Variants in RSF1 observed in about 807,000 individuals in gnomAD.
RSF1 encodes the protein remodeling and spacing factor 1, also known as HBV pX-associated protein 8.
RSF1 carries 13 observed loss-of-function variants against 145.2 expected under a neutral mutation model. The observed-to-expected ratio is 0.09, with a 90% CI of 0.06 to 0.14. The LOEUF is 0.14. Among genes scored for constraint, RSF1 ranks in the 10% least tolerant of loss-of-function variants. The pLI, the probability that RSF1 is intolerant of heterozygous loss-of-function variation, is 1.00. For missense variants in RSF1, 1,517 were observed against 1,718.2 expected (o/e 0.88, Z 2.07); for synonymous variants, 577 against 592.6 (o/e 0.97, Z 0.38).
intron 2 of RSF1, among the ~76,000 whole-genome samples, chr11:77,757,072 T>A (rs1036376790): frequency 6.6e-6 from 1 of 152,194 alleles, no homozygotes; most frequent in Non-Finnish European, 1.5e-5. Context: ...GGTGGTGACA[T>A]CTGTGCTAGG....
chr11:77,852,520 C>T, the RSF1 span, among the ~76,000 whole-genome samples: 1 of 152,208 alleles, frequency 6.6e-6, no homozygotes, highest in South Asian at 2.1e-4. Context: ...ATCCAGTCAC[C>T]TCCCATCAGG....
At chr11:77,847,409 TAGAA>T in the RSF1 span, among the ~76,000 whole-genome samples, 4 of 152,194 alleles carry the variant, frequency 2.6e-5, no homozygotes, top group African/African-American at 9.7e-5. Flanking sequence ...AGGCCCCACA[TAGAA>T]AGAGAGCCCT....
intron 5 of RSF1, among the ~76,000 whole-genome samples, chr11:77,722,600 T>C (rs1324134249): frequency 6.6e-6 from 1 of 152,210 alleles, no homozygotes; most frequent in Non-Finnish European, 1.5e-5. Context: ...ATCTAGACTC[T>C]GACACTTAAT....
intron 13 of RSF1, among the ~76,000 whole-genome samples, chr11:77,676,535 A>G (rs191763564): frequency 6.6e-6 from 1 of 152,356 alleles, no homozygotes; most frequent in African/African-American, 2.4e-5. Context: ...TCAACAAATG[A>G]AAGTTTAATT....
At chr11:77,702,731 C>T in intron 5 of RSF1, 1 of 328,868 alleles carries the variant, frequency 3.0e-6, no homozygotes, top group Non-Finnish European at 5.4e-6. Context: ...CTGCTTTTTA[C>T]TTTTTGTTTT....
intron 1 of RSF1, among the ~76,000 whole-genome samples, chr11:77,814,956 C>G (rs1948768128): frequency 6.6e-6 from 1 of 152,104 alleles, no homozygotes; most frequent in Admixed American, 6.5e-5. Context: ...ACAGAGCACA[C>G]TGGAGCTAGC....
At chr11:77,864,932 G>A in the RSF1 span, among the ~76,000 whole-genome samples, 2 of 152,018 alleles carry the variant, frequency 1.3e-5, no homozygotes, top group African/African-American at 2.4e-5. Context: ...AGCCCTGATT[G>A]CACCACTGCC....
chr11:77,720,693 T>G lies in RSF1; in HGVS notation c.733+4852A>C, dbSNP rs532585978. 1.2e-4 allele frequency among the ~76,000 whole-genome samples: 18 copies of G among 152,070 alleles called. No homozygotes were observed. In the South Asian group the frequency reaches 3.3e-3, roughly 28 times the overall value. ...AAGTATAATCAGACTTTCATGGGAG[T>G]TGGGGAGACAACATCTGAGGGAGAG... On this transcript the variant is annotated intron_variant, in intron 5 of 15. Coordinates refer to ENST00000308488, the MANE Select transcript of RSF1 (RefSeq NM_016578.4).
In RSF1 at chr11:77,675,201, G is replaced by C. The variant is rs1047704920; in HGVS notation, c.3397C>G (p.Pro1133Ala). 4.3e-6 allele frequency: 7 copies of C among 1,613,934 alleles called. No homozygotes were observed. The Middle Eastern group carries it at 6.6e-4, about 152-fold the overall frequency. ...DENPDESEED[P>A]PSNDDSDTDF... ...GTGTCACTGTCATCATTAGATGGCG[G>C]ATCTTCTTCACTTTCATCTGGGTTT... is the stretch of plus-strand genomic sequence containing the variant. The change falls in exon 14 of 16, where the codon CCG (proline) becomes GCG (alanine). Residue 1133 changes from proline (P) to alanine (A), a missense_variant. Transcript: ENST00000308488.
chr11:77,827,465 A>G, the RSF1 span, among the ~76,000 whole-genome samples: 1 of 152,244 alleles, frequency 6.6e-6, no homozygotes, highest in Non-Finnish European at 1.5e-5. Context: ...CATCCCAACT[A>G]TGCAATATTG....
chr11:77,782,150 T>G (rs1948410401), intron 1 of RSF1, among the ~76,000 whole-genome samples: 1 of 152,204 alleles, frequency 6.6e-6, no homozygotes, highest in South Asian at 2.1e-4. Context: ...TTCTATCCAC[T>G]CTACCAATCT....
the RSF1 span, among the ~76,000 whole-genome samples, chr11:77,860,406 C>T: frequency 6.6e-6 from 1 of 152,228 alleles, no homozygotes; most frequent in Non-Finnish European, 1.5e-5. Context: ...GGGTACATTC[C>T]TCACTGAGGG....
At chr11:77,768,844 G>A (rs1948253351) in intron 1 of RSF1, among the ~76,000 whole-genome samples, 1 of 152,024 alleles carries the variant, frequency 6.6e-6, no homozygotes, top group Admixed American at 6.6e-5. Context: ...AAACGGCACT[G>A]TCTATTAAAT....
chr11:77,754,699 A>G (rs1463941898), intron 2 of RSF1, among the ~76,000 whole-genome samples: 1 of 152,064 alleles, frequency 6.6e-6, no homozygotes, highest in Admixed American at 6.6e-5. Context: ...AGCTGAGGTC[A>G]CACCACTGCA....
At chr11:77,813,373 G>A in intron 1 of RSF1, 2 of 1,008,162 alleles carry the variant, frequency 2.0e-6, no homozygotes, top group Non-Finnish European at 3.1e-6. Flanking sequence ...ACTGATGGAA[G>A]CAATCTGCTT....
chr11:77,827,501 T>G, the RSF1 span, among the ~76,000 whole-genome samples: 1 of 152,200 alleles, frequency 6.6e-6, no homozygotes, highest in Admixed American at 6.5e-5. Context: ...ATCAATATAT[T>G]GTAATATATT....
the RSF1 span, among the ~76,000 whole-genome samples, chr11:77,829,304 CCTTAT>C: frequency 6.6e-6 from 1 of 152,116 alleles, no homozygotes; most frequent in African/African-American, 2.4e-5. Context: ...CAGGCCAGCA[CCTTAT>C]CTTGGATATG....
At chr11:77,759,222 T>C (rs761297201) in intron 2 of RSF1, among the ~76,000 whole-genome samples, 1 of 152,146 alleles carries the variant, frequency 6.6e-6, no homozygotes, top group Non-Finnish European at 1.5e-5. Context: ...ATTTGTAAAA[T>C]ACCACAAACC....
At chr11:77,843,026 A>G in the RSF1 span, among the ~76,000 whole-genome samples, 1 of 152,180 alleles carries the variant, frequency 6.6e-6, no homozygotes, top group Non-Finnish European at 1.5e-5. Context: ...TCATTCAGAT[A>G]TCTTAGGTGT....
Sources: allele counts gnomAD v4.1 joint callset (sites outside exome capture counted in the v4.1 genomes callset), GRCh38; gene constraint gnomAD v4.1.1; transcripts MANE v1.5; gene names NCBI Gene and HGNC (gene_info 2026-07-23, HGNC 2026-07-21).